DRC4: variants seen among roughly 807,000 people sequenced by gnomAD.
The protein encoded by DRC4 is dynein regulatory complex subunit 4, also known as GAS-11.
At chr16:90,031,863 A>G in the DRC4 span, among the ~76,000 whole-genome samples, 1 of 152,172 alleles carries the variant, frequency 6.6e-6, no homozygotes, top group Non-Finnish European at 1.5e-5. Context: ...AAGGTGAGGC[A>G]TGCAAGTGAG....
At chr16:90,030,073 G>A in the DRC4 span, among the ~76,000 whole-genome samples, 2 of 151,996 alleles carry the variant, frequency 1.3e-5, no homozygotes, top group Non-Finnish European at 2.9e-5. Flanking sequence ...GATTCTTAAG[G>A]GAAATGAGCT....
chr16:90,029,282 C>T, the DRC4 span: 957 of 1,366,516 alleles, frequency 7.0e-4, 15 homozygotes, highest in East Asian at 0.023. Flanking sequence ...AGGGTCCAGG[C>T]AGGTGGGGAG....
the DRC4 span, among the ~76,000 whole-genome samples, chr16:90,034,441 G>C: frequency 6.6e-6 from 1 of 152,112 alleles, no homozygotes; most frequent in Non-Finnish European, 1.5e-5. Context: ...GACCAACGTG[G>C]TGAAACCCCG....
chr16:90,036,626 T>C, the DRC4 span: 1 of 1,529,026 alleles, frequency 6.5e-7, no homozygotes, highest in Non-Finnish European at 8.9e-7. Context: ...ACACTCTGCC[T>C]GTCCTAGAAT....
chr16:90,043,064 A>G, the DRC4 span: 4 of 1,058,668 alleles, frequency 3.8e-6, no homozygotes, highest in African/African-American at 1.6e-5. Context: ...CACACGGGAA[A>G]TGACTGATAA....
At chr16:90,031,502 T>C in the DRC4 span, 1 of 1,552,056 alleles carries the variant, frequency 6.4e-7, no homozygotes, top group Non-Finnish European at 8.7e-7. Context: ...TCAAGGTGAG[T>C]GGGGCCGGCC....
the DRC4 span, chr16:90,043,782 G>C: frequency 2.1e-6 from 1 of 471,846 alleles, no homozygotes; most frequent in African/African-American, 2.0e-5. Context: ...GATTCTCCAG[G>C]GGGCCGGGAC....
chr16:90,037,226 C>G, the DRC4 span: 1 of 1,604,750 alleles, frequency 6.2e-7, no homozygotes, highest in Admixed American at 1.7e-5. Context: ...GTGCTTGTGC[C>G]TGCAGGAGCA....
the DRC4 span, among the ~76,000 whole-genome samples, chr16:90,023,034 G>A: frequency 6.6e-6 from 1 of 152,184 alleles, no homozygotes; most frequent in African/African-American, 2.4e-5. Context: ...ATGCGTCAAG[G>A]GGACTCTCAT....
chr16:90,042,159 C>T, the DRC4 span, among the ~76,000 whole-genome samples: 2 of 152,182 alleles, frequency 1.3e-5, no homozygotes, highest in Non-Finnish European at 2.9e-5. Context: ...TGGTCTCAAA[C>T]TCCTGACCTC....
At chr16:90,041,441 G>A in the DRC4 span, among the ~76,000 whole-genome samples, 10 of 152,200 alleles carry the variant, frequency 6.6e-5, no homozygotes, top group South Asian at 2.1e-4. Flanking sequence ...TCCCTGCCTC[G>A]CCACGTGGTG....
the DRC4 span, chr16:90,027,564 T>C: frequency 6.7e-7 from 1 of 1,493,994 alleles, no homozygotes; most frequent in East Asian, 2.3e-5. Context: ...CAAATGTTCC[T>C]GGGAGCAAAT....
chr16:90,030,507 ATTTTTTT>A, the DRC4 span, among the ~76,000 whole-genome samples: 18 of 118,964 alleles, frequency 1.5e-4, no homozygotes, highest in East Asian at 3.3e-3. Flanking sequence ...CTCCTGGCTA[ATTTTTTT>A]TTTTTTTTTT....
the DRC4 span, chr16:90,043,155 G>A: frequency 1.7e-5 from 27 of 1,581,004 alleles, no homozygotes; most frequent in East Asian, 9.0e-5. Context: ...GGTCCTGAGC[G>A]TGGGGACCCT....
At chr16:90,042,656 G>A in the DRC4 span, 1 of 786,748 alleles carries the variant, frequency 1.3e-6, no homozygotes, top group South Asian at 1.5e-5. Flanking sequence ...CAAGGCAGCT[G>A]TCACTGTCCC....
chr16:90,031,227 G>A, the DRC4 span: 8 of 1,597,742 alleles, frequency 5.0e-6, no homozygotes, highest in East Asian at 1.3e-4. Flanking sequence ...CTTGCCTTTC[G>A]CCGGCCACAC....
chr16:90,019,703 G>A, the DRC4 span: 1 of 576,008 alleles, frequency 1.7e-6, no homozygotes, highest in Non-Finnish European at 3.0e-6. This position sits in a 1 kb window ranked among gnomAD's most constrained non-coding sequence, Gnocchi z 6.1. Context: ...CCCCGGCCGG[G>A]CGTCCGGGGC....
chr16:90,023,135 G>C, the DRC4 span, among the ~76,000 whole-genome samples: 1 of 152,206 alleles, frequency 6.6e-6, no homozygotes, highest in African/African-American at 2.4e-5. Flanking sequence ...CCATGGAATA[G>C]AGCCGGAGGC....
chr16:90,024,140 TCACA>T, the DRC4 span, among the ~76,000 whole-genome samples: 14 of 143,936 alleles, frequency 9.7e-5, no homozygotes, highest in South Asian at 1.3e-3. Context: ...ACACACACAC[TCACA>T]CACACACACA....
Sources: gnomAD v4.1 joint callset for allele counts (sites outside exome capture counted in the v4.1 genomes callset) on GRCh38, gnomAD v4.1.1 for gene constraint, Gnocchi (gnomAD v3.1) non-coding constraint, MANE v1.5 for transcripts, NCBI Gene and HGNC (gene_info 2026-07-23, HGNC 2026-07-21) for gene names.